CHLSN: variants seen among roughly 807,000 people sequenced by gnomAD.
CHLSN encodes the protein cholesin.
the CHLSN span, among the ~76,000 whole-genome samples, chr7:1,019,720 T>C: frequency 6.6e-6 from 1 of 152,196 alleles, no homozygotes; most frequent in African/African-American, 2.4e-5. Context: ...GGCTTCCAGA[T>C]GGGCAGAGGC....
the CHLSN span, chr7:1,086,702 G>C: frequency 6.6e-6 from 1 of 152,536 alleles, no homozygotes; most frequent in Non-Finnish European, 1.5e-5. Context: ...AGTGCACCTG[G>C]AGGCCCAGCA....
the CHLSN span, among the ~76,000 whole-genome samples, chr7:1,016,888 A>C: frequency 1.5e-5 from 1 of 68,262 alleles, no homozygotes; most frequent in Non-Finnish European, 2.7e-5. Context: ...AGCAGCACAC[A>C]CCAGCGCACA....
At chr7:1,123,016 C>A in the CHLSN span, among the ~76,000 whole-genome samples, 4 of 152,120 alleles carry the variant, frequency 2.6e-5, no homozygotes, top group African/African-American at 9.6e-5. This position sits in a 1 kb window ranked among gnomAD's most constrained non-coding sequence, Gnocchi z 4.4. Flanking sequence ...CCCACCTCCC[C>A]AGCACTCCAG....
At chr7:978,645 C>T in the CHLSN span, among the ~76,000 whole-genome samples, 1 of 152,204 alleles carries the variant, frequency 6.6e-6, no homozygotes, top group Non-Finnish European at 1.5e-5. Context: ...GGACATGCTC[C>T]GTTTATAGCT....
At chr7:1,016,951 AGC>A in the CHLSN span, among the ~76,000 whole-genome samples, 50 of 146,100 alleles carry the variant, frequency 3.4e-4, 2 homozygotes, top group African/African-American at 5.2e-4. Context: ...AGCACACGCC[AGC>A]GCACAGCAGC....
the CHLSN span, chr7:984,673 G>GCCAC: frequency 6.8e-7 from 1 of 1,462,064 alleles, no homozygotes; most frequent in Non-Finnish European, 9.1e-7. Context: ...TCCCAGGGTG[G>GCCAC]CCTGGGGAAG....
chr7:1,112,250 G>A, the CHLSN span, among the ~76,000 whole-genome samples: 5 of 152,232 alleles, frequency 3.3e-5, no homozygotes, highest in East Asian at 1.9e-4. Context: ...CTCCATGGCA[G>A]TGAGGAAGGC....
the CHLSN span, among the ~76,000 whole-genome samples, chr7:1,030,995 G>T: frequency 0.11 from 16,429 of 152,232 alleles, 1,160 homozygotes; most frequent in Middle Eastern, 0.2. Context: ...CAGTCTCAAG[G>T]GTGGAGTGGC....
chr7:1,000,225 G>T, the CHLSN span, among the ~76,000 whole-genome samples: 5 of 152,148 alleles, frequency 3.3e-5, no homozygotes, highest in African/African-American at 1.2e-4. Flanking sequence ...CAGGGCCCCA[G>T]TGTGCACAGG....
At chr7:1,135,313 C>T in the CHLSN span, among the ~76,000 whole-genome samples, 1 of 151,768 alleles carries the variant, frequency 6.6e-6, no homozygotes, top group Non-Finnish European at 1.5e-5. Context: ...GCCAACTCAA[C>T]TGTGTATATA....
chr7:1,009,867 T>C, the CHLSN span: 9 of 1,193,044 alleles, frequency 7.5e-6, no homozygotes, highest in Admixed American at 2.6e-5. Flanking sequence ...CCACACAGTG[T>C]GTGCGAGTGA....
the CHLSN span, chr7:987,186 C>T: frequency 5.1e-6 from 8 of 1,556,888 alleles, no homozygotes; most frequent in East Asian, 2.4e-5. Context: ...GGGACGGAGA[C>T]GACCTCGGCC....
the CHLSN span, among the ~76,000 whole-genome samples, chr7:1,002,362 TGAATG>T: frequency 3.1e-5 from 3 of 96,446 alleles, no homozygotes; most frequent in Admixed American, 1.1e-4. Flanking sequence ...GTCCTGTGGG[TGAATG>T]GAGTCCTGTG....
chr7:1,069,440 G>T, the CHLSN span, among the ~76,000 whole-genome samples: 4 of 142,166 alleles, frequency 2.8e-5, no homozygotes, highest in African/African-American at 7.9e-5. Flanking sequence ...CTGCCATCTC[G>T]GCTCACTGCA....
the CHLSN span, among the ~76,000 whole-genome samples, chr7:1,075,479 G>A: frequency 5.3e-5 from 8 of 150,946 alleles, no homozygotes; most frequent in East Asian, 3.9e-4. Flanking sequence ...AGCCGAGATC[G>A]CACCACTGCA....
At chr7:993,872 G>A in the CHLSN span, among the ~76,000 whole-genome samples, 1 of 151,966 alleles carries the variant, frequency 6.6e-6, no homozygotes, top group Non-Finnish European at 1.5e-5. Flanking sequence ...GGAGTGAGCA[G>A]ACGGCACTTG....
the CHLSN span, chr7:1,028,829 TC>T: frequency 1.7e-6 from 1 of 580,020 alleles, no homozygotes; most frequent in Non-Finnish European, 2.0e-6. Context: ...CCCCATCTCC[TC>T]CAGTCTACCC....
chr7:1,005,069 A>T, the CHLSN span, among the ~76,000 whole-genome samples: 3 of 152,222 alleles, frequency 2.0e-5, no homozygotes, highest in Non-Finnish European at 4.4e-5. Flanking sequence ...CCGAGGGCGG[A>T]TCACAAGGTC....
the CHLSN span, among the ~76,000 whole-genome samples, chr7:1,089,624 T>G: frequency 6.6e-6 from 1 of 152,100 alleles, no homozygotes; most frequent in South Asian, 2.1e-4. Context: ...GGTTTCGCCA[T>G]GTTACCCAGG....
Sources: allele counts gnomAD v4.1 joint callset (sites outside exome capture counted in the v4.1 genomes callset), GRCh38; gene constraint gnomAD v4.1.1; non-coding constraint Gnocchi (gnomAD v3.1); transcripts MANE v1.5; gene names NCBI Gene and HGNC (gene_info 2026-07-23, HGNC 2026-07-21).